AKAP13: variants seen among roughly 807,000 people sequenced by gnomAD.
AKAP13 encodes A-kinase anchoring protein 13, also known as A-kinase anchor protein 13.
AKAP13 carries 80 observed loss-of-function variants against 264.5 expected under a neutral mutation model. The ratio of observed to expected loss-of-function variants is 0.30; its 90% CI spans 0.25 to 0.36. AKAP13 has a LOEUF of 0.36. AKAP13 is among the 10% of genes least tolerant of loss of function. The probability of loss-of-function intolerance (pLI) is 1.00; values close to 1 mark genes in which losing one functional copy is unlikely to be tolerated. For synonymous variants in AKAP13, 1,380 were observed against 1,250.2 expected, an observed-to-expected ratio of 1.10 and a Z score of -2.19; for missense variants, 3,712 against 3,435.2, an observed-to-expected ratio of 1.08 and a Z score of -2.01.
chr15:85,388,505 T>C (rs1225590393), intron 1 of AKAP13, among the ~76,000 whole-genome samples: 1 of 152,200 alleles, frequency 6.6e-6, no homozygotes, highest in Non-Finnish European at 1.5e-5. Context: ...TTTGTTTTTG[T>C]AGATGTCTTT....
chr15:85,468,121 A>G (rs1384668288), intron 1 of AKAP13, among the ~76,000 whole-genome samples: 1 of 152,214 alleles, frequency 6.6e-6, no homozygotes, highest in Non-Finnish European at 1.5e-5. Context: ...GCATTCTTAT[A>G]TTTCTCAGGG....
chr15:85,519,503 C>T (rs1232127918), intron 2 of AKAP13, among the ~76,000 whole-genome samples: 3 of 152,182 alleles, frequency 2.0e-5, no homozygotes, highest in Non-Finnish European at 2.9e-5. Flanking sequence ...GAGAAATGGA[C>T]TCTTCTCATA....
At chr15:85,648,126 A>C (rs1467886261) in intron 10 of AKAP13, among the ~76,000 whole-genome samples, 1 of 152,250 alleles carries the variant, frequency 6.6e-6, no homozygotes, top group African/African-American at 2.4e-5. Flanking sequence ...TACCATTCTG[A>C]AGATATGTGT....
chr15:85,428,941 G>C (rs2072913443), intron 1 of AKAP13, among the ~76,000 whole-genome samples: 1 of 152,190 alleles, frequency 6.6e-6, no homozygotes, highest in Non-Finnish European at 1.5e-5. Context: ...CAATGAACAA[G>C]TGCTTTACAA....
rs549471061 is a variant in AKAP13 at position 85,496,699 on chromosome 15, G to A, written c.33+10946G>A. 2.6e-5 allele frequency among the ~76,000 whole-genome samples: 4 copies of A among 152,252 alleles called. No homozygotes were observed. The East Asian group carries it at 5.8e-4, about 22-fold the overall frequency. Reference sequence around the variant, plus strand: ...TCACTTGGCTGTTAGGATACATTTTGCTTATACAAAGAGCCTTATCAGCCT... The same window carrying A: ...TCACTTGGCTGTTAGGATACATTTTACTTATACAAAGAGCCTTATCAGCCT... On this transcript the variant is annotated intron_variant, in intron 2 of 36. Coordinates refer to ENST00000394518, the MANE Select transcript of AKAP13 (RefSeq NM_007200.5).
intron 10 of AKAP13, among the ~76,000 whole-genome samples, chr15:85,649,252 G>A (rs755251723): frequency 6.6e-6 from 1 of 152,202 alleles, no homozygotes; most frequent in African/African-American, 2.4e-5. Flanking sequence ...TACTTAGTGG[G>A]TGAGCAGCCA....
At chr15:85,463,835 T>A (rs977967928) in intron 1 of AKAP13, among the ~76,000 whole-genome samples, 1 of 151,998 alleles carries the variant, frequency 6.6e-6, no homozygotes, top group Admixed American at 6.6e-5. Context: ...TGGGTGATGT[T>A]GCTGGTGGCA....
At chr15:85,614,592 T>C (rs1021804571) in intron 8 of AKAP13, among the ~76,000 whole-genome samples, 6 of 152,236 alleles carry the variant, frequency 3.9e-5, no homozygotes, top group African/African-American at 1.4e-4. Context: ...AATGTAGGGA[T>C]ATTGATTATG....
chr15:85,653,731 T>C (rs1336422365), intron 10 of AKAP13, among the ~76,000 whole-genome samples: 2 of 152,194 alleles, frequency 1.3e-5, no homozygotes, highest in Admixed American at 1.3e-4. Flanking sequence ...GAAAATATTG[T>C]GAAAAAGGGA....
intron 1 of AKAP13, among the ~76,000 whole-genome samples, chr15:85,405,375 A>G (rs753278954): frequency 8.6e-5 from 13 of 151,380 alleles, no homozygotes; most frequent in Non-Finnish European, 1.5e-4. Flanking sequence ...TGTATCCACG[A>G]AACAAATGAG....
intron 17 of AKAP13, among the ~76,000 whole-genome samples, chr15:85,694,021 G>A (rs1298428575): frequency 6.6e-6 from 1 of 152,216 alleles, no homozygotes; most frequent in Admixed American, 6.5e-5. Context: ...AGGAGCATCT[G>A]CACTCTGTTC....
At chr15:85,428,414 G>C (rs1200352668) in intron 1 of AKAP13, among the ~76,000 whole-genome samples, 1 of 152,110 alleles carries the variant, frequency 6.6e-6, no homozygotes, top group African/African-American at 2.4e-5. Context: ...GGTCAGGCTG[G>C]TCTCAAACCC....
chr15:85,391,690 G>A (rs774828898), intron 1 of AKAP13, among the ~76,000 whole-genome samples: 1 of 151,988 alleles, frequency 6.6e-6, no homozygotes, highest in Non-Finnish European at 1.5e-5. Context: ...TTGCCAGGTT[G>A]TCCAGGCTGT....
At chr15:85,440,912 T>C (rs1408986318) in intron 1 of AKAP13, among the ~76,000 whole-genome samples, 1 of 152,158 alleles carries the variant, frequency 6.6e-6, no homozygotes, top group Non-Finnish European at 1.5e-5. Flanking sequence ...TGCAAGTAGA[T>C]TTCACTGTAG....
At chr15:85,630,166 T>C (rs200166135) in intron 8 of AKAP13, among the ~76,000 whole-genome samples, 49 of 100,154 alleles carry the variant, frequency 4.9e-4, no homozygotes, top group Non-Finnish European at 6.1e-4. Context: ...TTTTAACACA[T>C]ACACACACAC....
At chr15:85,544,616 A>G (rs1008281068) in intron 5 of AKAP13, among the ~76,000 whole-genome samples, 1 of 152,202 alleles carries the variant, frequency 6.6e-6, no homozygotes, top group African/African-American at 2.4e-5. Context: ...AAAACATTTG[A>G]AGAGCGCTCT....
intron 1 of AKAP13, among the ~76,000 whole-genome samples, chr15:85,443,903 C>T (rs1323891263): frequency 6.6e-6 from 1 of 152,122 alleles, no homozygotes; most frequent in East Asian, 1.9e-4. Flanking sequence ...GTGCTCACTT[C>T]ATCAAATGGC....
intron 3 of AKAP13, among the ~76,000 whole-genome samples, chr15:85,523,198 C>T (rs1044768062): frequency 6.6e-6 from 1 of 152,028 alleles, no homozygotes; most frequent in Non-Finnish European, 1.5e-5. Context: ...AGATTCCTGA[C>T]CGGACCCTAT....
At chr15:85,706,490 C>T (rs1397819467) in intron 17 of AKAP13, among the ~76,000 whole-genome samples, 4 of 152,000 alleles carry the variant, frequency 2.6e-5, no homozygotes, top group African/African-American at 4.8e-5. Flanking sequence ...GATGAGGAAA[C>T]GGAGGCCTGT....
Sources: gnomAD v4.1 joint callset for allele counts (sites outside exome capture counted in the v4.1 genomes callset) on GRCh38, gnomAD v4.1.1 for gene constraint, MANE v1.5 for transcripts, NCBI Gene and HGNC (gene_info 2026-07-23, HGNC 2026-07-21) for gene names.